RBFOX1: variants seen among roughly 807,000 people sequenced by gnomAD.
RBFOX1 encodes RNA binding protein fox-1 homolog 1.
Under a neutral mutation model 57.7 loss-of-function variants are expected in RBFOX1, and 8 were observed. The ratio of observed to expected loss-of-function variants is 0.14; its 90% CI spans 0.08 to 0.25. The LOEUF is 0.25. Ranked by LOEUF, RBFOX1 falls within the 10% of genes least tolerant of loss-of-function variation. The pLI, the probability that RBFOX1 is intolerant of heterozygous loss-of-function variation, is 1.00. For synonymous variants in RBFOX1, 326 were observed against 222.4 expected (o/e 1.47, Z -4.15); for missense variants, 611 against 548.5 (o/e 1.11, Z -1.14).
chr16:6,659,966 C>T (rs1288063500), intron 3 of RBFOX1, among the ~76,000 whole-genome samples: 3 of 152,124 alleles, frequency 2.0e-5, no homozygotes, highest in Admixed American at 6.5e-5. Flanking sequence ...CACTGTGGCT[C>T]ATGCCTGTAA....
intron 1 of RBFOX1, among the ~76,000 whole-genome samples, chr16:6,231,725 G>A (rs1362455022): frequency 6.6e-6 from 1 of 152,096 alleles, no homozygotes; most frequent in Non-Finnish European, 1.5e-5. Flanking sequence ...GGAGCAAGTG[G>A]TGTTGTGTAT....
intron 2 of RBFOX1, among the ~76,000 whole-genome samples, chr16:6,623,361 A>G (rs995637841): frequency 1.3e-5 from 2 of 152,086 alleles, no homozygotes; most frequent in Non-Finnish European, 2.9e-5. Context: ...GTGAAACCCA[A>G]ATGACAGCTC....
At chr16:5,515,184 A>G (rs2043745874) in intron 2 of RBFOX1, among the ~76,000 whole-genome samples, 1 of 152,222 alleles carries the variant, frequency 6.6e-6, no homozygotes, top group Non-Finnish European at 1.5e-5. Context: ...ACATTTCAAC[A>G]TGTTATTTCG....
chr16:5,602,275 C>T (rs1284819801), downstream of RBFOX1, among the ~76,000 whole-genome samples: 2 of 152,182 alleles, frequency 1.3e-5, no homozygotes, highest in African/African-American at 2.4e-5. Context: ...TGTGTTCCAT[C>T]TTTGGTCTAG....
intron 4 of RBFOX1, among the ~76,000 whole-genome samples, chr16:7,344,766 C>T (rs1207814245): frequency 6.6e-6 from 1 of 152,168 alleles, no homozygotes; most frequent in Non-Finnish European, 1.5e-5. Flanking sequence ...GCAGACCAGC[C>T]AGGTGTCTGG....
intron 2 of RBFOX1, among the ~76,000 whole-genome samples, chr16:6,486,661 T>TC (rs975909034): frequency 1.3e-5 from 2 of 148,696 alleles, no homozygotes; most frequent in Non-Finnish European, 3.0e-5. Context: ...ATTTTATTAT[T>TC]TTTTTTTTTG....
chr16:5,981,933 CAA>C (rs1325760661), intron 4 of RBFOX1, among the ~76,000 whole-genome samples: 1 of 152,232 alleles, frequency 6.6e-6, no homozygotes, highest in Non-Finnish European at 1.5e-5. Context: ...CCCCTCACCA[CAA>C]AGAACTATGC....
chr16:6,601,107 A>G (rs1234611438), intron 2 of RBFOX1, among the ~76,000 whole-genome samples: 1 of 152,248 alleles, frequency 6.6e-6, no homozygotes, highest in South Asian at 2.1e-4. Flanking sequence ...TAGGGATTTA[A>G]GTAACCCCTT....
intron 3 of RBFOX1, among the ~76,000 whole-genome samples, chr16:6,836,884 G>C (rs988687656): frequency 2.6e-5 from 4 of 152,140 alleles, no homozygotes; most frequent in African/African-American, 9.7e-5. Flanking sequence ...GGGCCTGTAT[G>C]GTTAATCATT....
intron 3 of RBFOX1, among the ~76,000 whole-genome samples, chr16:6,709,963 G>C (rs1019167777): frequency 1.3e-5 from 2 of 152,150 alleles, no homozygotes; most frequent in Non-Finnish European, 2.9e-5. Flanking sequence ...TGAGTTGGCA[G>C]ACGGCACAGC....
chr16:6,101,575 C>T (rs1489429337), intron 1 of RBFOX1, among the ~76,000 whole-genome samples: 1 of 152,130 alleles, frequency 6.6e-6, no homozygotes, highest in Non-Finnish European at 1.5e-5. Context: ...CAACCTCCAC[C>T]TCCCAGGTTC....
intron 4 of RBFOX1, among the ~76,000 whole-genome samples, chr16:7,339,027 A>G (rs948324830): frequency 2.0e-5 from 3 of 152,182 alleles, no homozygotes; most frequent in Non-Finnish European, 2.9e-5. Context: ...CAAAGAGGCC[A>G]TGTCAACAGC....
intron 3 of RBFOX1, among the ~76,000 whole-genome samples, chr16:5,606,117 C>G (rs1367063295): frequency 6.6e-6 from 1 of 152,152 alleles, no homozygotes; most frequent in African/African-American, 2.4e-5. Context: ...AACCATGGCT[C>G]CTCCTTTCTG....
intron 5 of RBFOX1, among the ~76,000 whole-genome samples, chr16:7,563,335 CAGAG>C (rs1431944637): frequency 1.3e-5 from 2 of 152,160 alleles, no homozygotes; most frequent in African/African-American, 4.8e-5. Context: ...GGTAATGAGA[CAGAG>C]AGGTTAAGTA....
chr16:5,821,267 G>A (rs1332317016), intron 3 of RBFOX1, among the ~76,000 whole-genome samples: 1 of 150,806 alleles, frequency 6.6e-6, no homozygotes. Flanking sequence ...GGGCGGGGAA[G>A]TGGGCTGTCT....
At chr16:6,351,368 A>ATTTTTTTTTTTTTTTTTTT (rs1358836868) in intron 2 of RBFOX1, among the ~76,000 whole-genome samples, 1 of 103,858 alleles carries the variant, frequency 9.6e-6, no homozygotes, top group Non-Finnish European at 1.8e-5. Flanking sequence ...ATATATATAT[A>ATTTTTTTTTTTTTTTTTTT]TATATTTTTT....
chr16:7,237,791 A>G (rs527306200), intron 4 of RBFOX1, among the ~76,000 whole-genome samples: 69 of 152,304 alleles, frequency 4.5e-4, no homozygotes, highest in African/African-American at 1.6e-3. Flanking sequence ...AGATCACTTG[A>G]GGTCAGGGGT....
chr16:6,086,552 A>C (rs1252158827), intron 1 of RBFOX1, among the ~76,000 whole-genome samples: 1 of 152,142 alleles, frequency 6.6e-6, no homozygotes, highest in East Asian at 1.9e-4. Flanking sequence ...TGAACGAAGA[A>C]TCTTTAGTAC....
At chr16:6,779,947 TTATATA>T (rs1188580797) in intron 3 of RBFOX1, among the ~76,000 whole-genome samples, 6 of 26,728 alleles carry the variant, frequency 2.2e-4, no homozygotes, top group Non-Finnish European at 3.5e-4. Flanking sequence ...TTATATATAT[TTATATA>T]TTTATATATT....
Sources: allele counts gnomAD v4.1 joint callset (sites outside exome capture counted in the v4.1 genomes callset), GRCh38; gene constraint gnomAD v4.1.1; transcripts MANE v1.5; gene names NCBI Gene and HGNC (gene_info 2026-07-23, HGNC 2026-07-21).